The following TRPC7 variants were observed in gnomAD, a reference collection of about 807,000 sequenced individuals.
TRPC7 encodes transient receptor potential cation channel subfamily C member 7.
A neutral mutation model predicts 90.1 loss-of-function variants in TRPC7; 42 were observed. The observed-to-expected ratio is 0.47, with a 90% CI of 0.36 to 0.60. The LOEUF (loss-of-function observed/expected upper bound fraction) is 0.60. TRPC7 is among the 20% of genes least tolerant of loss of function. The pLI is 0.00. For missense variants in TRPC7, 955 were observed against 1,112.3 expected, an observed-to-expected ratio of 0.86 and a Z score of 2.01; for synonymous variants, 451 against 436.3, an observed-to-expected ratio of 1.03 and a Z score of -0.42.
intron 8 of TRPC7, 69 bp downstream of exon 8, chr5:136,231,285 C>T (rs969989424): frequency 7.4e-7 from 1 of 1,343,550 alleles, no homozygotes; most frequent in Non-Finnish European, 1.0e-6. Flanking sequence ...ACATCATTCC[C>T]CTCATTGCTG....
At chr5:136,263,146 G>T (rs1201202357) in intron 5 of TRPC7, among the ~76,000 whole-genome samples, 1 of 152,186 alleles carries the variant, frequency 6.6e-6, no homozygotes, top group Non-Finnish European at 1.5e-5. Context: ...AGCTTACCCA[G>T]AGTGGGGAGA....
At chr5:136,331,301 G>A (rs373609990) in intron 2 of TRPC7, among the ~76,000 whole-genome samples, 1 of 152,124 alleles carries the variant, frequency 6.6e-6, no homozygotes, top group Non-Finnish European at 1.5e-5. Flanking sequence ...TTGGCTCATG[G>A]AAGATCTCAA....
intron 3 of TRPC7, among the ~76,000 whole-genome samples, chr5:136,279,673 C>T (rs1008558247): frequency 6.6e-6 from 1 of 152,320 alleles, no homozygotes; most frequent in East Asian, 1.9e-4. Flanking sequence ...ACTCTCTCCA[C>T]CCCACTGGAG....
At chr5:136,280,099 G>A (rs891613161) in intron 3 of TRPC7, among the ~76,000 whole-genome samples, 2 of 152,184 alleles carry the variant, frequency 1.3e-5, no homozygotes, top group East Asian at 3.9e-4. Context: ...AGCAGAGGCT[G>A]CAGTGAGCCG....
At chr5:136,231,248 G>T in intron 8 of TRPC7, 106 bp downstream of exon 8, 2 of 1,022,954 alleles carry the variant, frequency 2.0e-6, no homozygotes, top group Non-Finnish European at 2.8e-6. Context: ...TGTTCTGGCT[G>T]CACATTTAAC....
At chr5:136,214,293 G>A (rs1755187607) in intron 11 of TRPC7, 1 of 152,282 alleles carries the variant, frequency 6.6e-6, no homozygotes, top group Admixed American at 6.5e-5. Context: ...AGTCCAATGG[G>A]TCTAGGCTGT....
rs565674033 is a variant in TRPC7 at position 136,357,061 on chromosome 5, C to T, written c.327G>A (p.Ala109=). 2.4e-4 allele frequency: 389 copies of T among 1,613,708 alleles called. No individual in the cohort carries two copies. In the East Asian group the frequency reaches 6.0e-3, roughly 25 times the overall value. Residue 109 remains alanine (A), a synonymous_variant, in exon 2 of 12, where the codon GCG becomes GCA. Coordinates refer to ENST00000513104, the MANE Select transcript of TRPC7 (RefSeq NM_020389.3). ...AGCCCTTGCTGATGGCCAGCAGCAGCGCGTCCCCCACCCGTGCCAGGTTCT... is the reference window on the plus strand; with the variant it reads ...AGCCCTTGCTGATGGCCAGCAGCAGTGCGTCCCCCACCCGTGCCAGGTTCT... The part of the protein sequence containing the change: ...KKENLARVGD[A]LLLAISKGYV...
At chr5:136,340,030 T>C (rs1759795098) in intron 2 of TRPC7, among the ~76,000 whole-genome samples, 1 of 152,186 alleles carries the variant, frequency 6.6e-6, no homozygotes, top group African/African-American at 2.4e-5. Flanking sequence ...CCCATGTTAA[T>C]TGCAGTATTA....
At chr5:136,287,979 C>G (rs1757788436) in intron 3 of TRPC7, among the ~76,000 whole-genome samples, 1 of 152,064 alleles carries the variant, frequency 6.6e-6, no homozygotes, top group Non-Finnish European at 1.5e-5. Flanking sequence ...TCATATAGTT[C>G]AGAAAAATTT....
At chr5:136,227,757 T>C (rs1158579273) in intron 8 of TRPC7, among the ~76,000 whole-genome samples, 1 of 152,218 alleles carries the variant, frequency 6.6e-6, no homozygotes, top group African/African-American at 2.4e-5. Flanking sequence ...TGCTCCTTAC[T>C]AGCTATGCAA....
chr5:136,300,836 C>G (rs1758354262), intron 3 of TRPC7, among the ~76,000 whole-genome samples: 1 of 152,222 alleles, frequency 6.6e-6, no homozygotes. Flanking sequence ...TCTATTCACT[C>G]CATATGGAGG....
Position 136,247,671 on chromosome 5 carries a change from G to C in TRPC7, c.1644C>G (p.Val548=). Residue 548 remains valine, a synonymous_variant, in exon 7 of 12, where the codon GTC becomes GTG. Transcript: ENST00000513104. This position sits in a 1 kb window ranked among gnomAD's most constrained non-coding sequence, Gnocchi z 4.2. ...ATGCAATGCGAGAGAAGCTCAGCAC[G>C]ACGGCTATCGCGTAGAGCCCTTCCG... is the stretch of plus-strand genomic sequence containing the variant. ...IISEGLYAIA[V]VLSFSRIAYI... The C allele has an allele frequency of 3.1e-6, 5 of 1,613,960 alleles. No homozygotes were observed. The highest frequency in any genetic ancestry group is 4.2e-6 in the Non-Finnish European group (5 of 1,179,892).
At chr5:136,272,599 T>A (rs1384442560) in intron 4 of TRPC7, among the ~76,000 whole-genome samples, 1 of 152,200 alleles carries the variant, frequency 6.6e-6, no homozygotes, top group Admixed American at 6.5e-5. Context: ...GAGCTCAGAC[T>A]TGGAATCTAG....
In TRPC7 at chr5:136,225,347, C is replaced by A. The variant is rs567504665; in HGVS notation, c.2270G>T (p.Arg757Leu). The A allele has an allele frequency of 3.7e-6, 6 of 1,611,636 alleles. 1 individual carries two copies. In the South Asian group the frequency reaches 5.5e-5, roughly 15 times the overall value. Residue 757 changes from arginine (R) to leucine (L), a missense_variant, in exon 10 of 12, where the codon CGC (arginine) becomes CTC (leucine). Arg to Leu is a moderately radical substitution (Grantham distance 102). This residue lies in a region of TRPC7 where 296 missense variants were observed against 422.7 expected (regional missense o/e 0.70). Transcript: ENST00000513104. ...AGAATTCCTCATGCCAGCCTGGTAG[C>A]GAGTCTTCTGGATAAAACAAACAAA... is the stretch of plus-strand genomic sequence containing the variant. ...GMLNSKFKKTRYQAGMRNSEN... is the reference protein window; with the variant it reads ...GMLNSKFKKTLYQAGMRNSEN...
chr5:136,290,412 A>G (rs1171725262), intron 3 of TRPC7, among the ~76,000 whole-genome samples: 1 of 152,240 alleles, frequency 6.6e-6, no homozygotes, highest in African/African-American at 2.4e-5. Flanking sequence ...AGACGAATGG[A>G]TAACTAGAAT....
intron 9 of TRPC7, among the ~76,000 whole-genome samples, 155 bp downstream of exon 9, chr5:136,225,879 T>C (rs1246809444): frequency 2.0e-5 from 3 of 152,076 alleles, no homozygotes; most frequent in Non-Finnish European, 2.9e-5. Context: ...AGCTTTCAGA[T>C]GTGTCCAGGT....
chr5:136,285,162 T>TAC (rs1757671403), intron 3 of TRPC7, among the ~76,000 whole-genome samples: 1 of 151,826 alleles, frequency 6.6e-6, no homozygotes, highest in Non-Finnish European at 1.5e-5. Flanking sequence ...TTGTGAGTCG[T>TAC]GCTAAGATGA....
chr5:136,303,697 C>T (rs1315039495), intron 3 of TRPC7: 1 of 152,056 alleles, frequency 6.6e-6, no homozygotes, highest in African/African-American at 2.4e-5. Context: ...TTCAACTCAC[C>T]TGGTAGCCAC....
chr5:136,346,272 T>C (rs1252486630), intron 2 of TRPC7, among the ~76,000 whole-genome samples: 6 of 152,178 alleles, frequency 3.9e-5, no homozygotes, highest in Non-Finnish European at 5.9e-5. Flanking sequence ...TGAACTATTC[T>C]TAGATGGTGG....
Sources: allele counts gnomAD v4.1 joint callset (sites outside exome capture counted in the v4.1 genomes callset), GRCh38; gene constraint gnomAD v4.1.1; regional missense constraint gnomAD v4.1.1; non-coding constraint Gnocchi (gnomAD v3.1); transcripts MANE v1.5; gene names NCBI Gene and HGNC (gene_info 2026-07-23, HGNC 2026-07-21).